Variants in IGFL2 observed in about 807,000 individuals in gnomAD.
IGFL2 encodes the protein insulin growth factor-like family member 2.
IGFL2 carries 7 observed loss-of-function variants against 13.9 expected under a neutral mutation model. The ratio of observed to expected loss-of-function variants is 0.51; its 90% CI spans 0.29 to 0.95. The LOEUF (loss-of-function observed/expected upper bound fraction) is 0.95, where lower values mean the gene tolerates loss of function less well. IGFL2 is among the 40% of genes least tolerant of loss of function. The pLI, the probability that IGFL2 is intolerant of heterozygous loss-of-function variation, is 0.08. For synonymous variants in IGFL2, 55 were observed against 55.8 expected (o/e 0.99, Z 0.07); for missense variants, 138 against 147.8 (o/e 0.93, Z 0.34).
the IGFL2 span, among the ~76,000 whole-genome samples, chr19:46,133,619 G>A: frequency 6.6e-6 from 1 of 152,210 alleles, no homozygotes; most frequent in African/African-American, 2.4e-5. Flanking sequence ...GCTAAAATGC[G>A]GTAGCTAAGA....
the IGFL2 span, among the ~76,000 whole-genome samples, chr19:46,088,053 G>A: frequency 8.7e-4 from 132 of 152,328 alleles, no homozygotes; most frequent in African/African-American, 3.0e-3. Flanking sequence ...GGAATCTGTG[G>A]TAGAAATGTG....
At chr19:46,176,950 G>A in the IGFL2 span, among the ~76,000 whole-genome samples, 5 of 152,338 alleles carry the variant, frequency 3.3e-5, no homozygotes, top group African/African-American at 1.2e-4. Context: ...GAAAAGGGGA[G>A]TCCAAGCTCT....
upstream of IGFL2, among the ~76,000 whole-genome samples, chr19:46,144,081 C>T (rs980208395): frequency 2.0e-5 from 3 of 152,174 alleles, no homozygotes; most frequent in African/African-American, 7.2e-5. Flanking sequence ...GGTTGGCATA[C>T]TTTTTATGTA....
At chr19:46,139,058 G>A (rs1418812359), upstream of IGFL2, among the ~76,000 whole-genome samples, 1 of 152,066 alleles carries the variant, frequency 6.6e-6, no homozygotes, top group Non-Finnish European at 1.5e-5. Context: ...GGATTCTGGA[G>A]GTCTCTGGCA....
chr19:46,127,672 A>T, the IGFL2 span, among the ~76,000 whole-genome samples: 1 of 152,126 alleles, frequency 6.6e-6, no homozygotes, highest in Non-Finnish European at 1.5e-5. Flanking sequence ...TAGATGATGG[A>T]TGGATGGGTG....
At chr19:46,117,078 C>T in the IGFL2 span, among the ~76,000 whole-genome samples, 1 of 151,904 alleles carries the variant, frequency 6.6e-6, no homozygotes, top group Non-Finnish European at 1.5e-5. Flanking sequence ...AAATCTTGAG[C>T]TTTATTTTGA....
At chr19:46,197,135 G>A in the IGFL2 span, 1 of 224,820 alleles carries the variant, frequency 4.4e-6, no homozygotes, top group African/African-American at 2.3e-5. Context: ...CCTGCCCTCG[G>A]ATGGGACCCA....
At chr19:46,156,666 T>C (rs1179465371) in intron 1 of IGFL2, among the ~76,000 whole-genome samples, 1 of 152,208 alleles carries the variant, frequency 6.6e-6, no homozygotes, top group Non-Finnish European at 1.5e-5. Flanking sequence ...AAACTTATTG[T>C]GCTAAATAGT....
the IGFL2 span, among the ~76,000 whole-genome samples, chr19:46,194,420 C>A: frequency 2.0e-5 from 3 of 152,142 alleles, no homozygotes; most frequent in African/African-American, 7.2e-5. Flanking sequence ...GGTTTAGAGT[C>A]TTCTGACTTT....
intron 1 of IGFL2, among the ~76,000 whole-genome samples, chr19:46,151,402 T>A (rs184193252): frequency 6.6e-6 from 1 of 152,296 alleles, no homozygotes; most frequent in Admixed American, 6.5e-5. Context: ...AAATTTGATT[T>A]CAACAAATCT....
chr19:46,143,416 T>C (rs995470616), upstream of IGFL2, among the ~76,000 whole-genome samples: 1 of 151,570 alleles, frequency 6.6e-6, no homozygotes, highest in Non-Finnish European at 1.5e-5. Flanking sequence ...TTTTTTTTTT[T>C]TGAGACAAGA....
the IGFL2 span, chr19:46,113,280 C>T: frequency 4.3e-6 from 1 of 232,742 alleles, no homozygotes; most frequent in Non-Finnish European, 8.7e-6. Context: ...CTCCTCCAGA[C>T]AGGATGTGTT....
chr19:46,136,124 T>A, the IGFL2 span, among the ~76,000 whole-genome samples: 15 of 152,202 alleles, frequency 9.9e-5, no homozygotes, highest in Middle Eastern at 6.3e-3. Context: ...CAGATTTGGA[T>A]GTCAACCTCT....
At chr19:46,187,280 A>G in the IGFL2 span, among the ~76,000 whole-genome samples, 2 of 150,218 alleles carry the variant, frequency 1.3e-5, no homozygotes, top group Non-Finnish European at 1.5e-5. Flanking sequence ...AGAGATGGTG[A>G]GCATTTACCC....
At chr19:46,112,041 C>G in the IGFL2 span, 3 of 152,326 alleles carry the variant, frequency 2.0e-5, no homozygotes, top group Non-Finnish European at 1.5e-5. Flanking sequence ...AGAATAGACT[C>G]TACGACTTTC....
At chr19:46,207,440 G>C in the IGFL2 span, 2 of 151,792 alleles carry the variant, frequency 1.3e-5, no homozygotes, top group African/African-American at 2.4e-5. Flanking sequence ...GAAGTGCAGT[G>C]GCATGATCTC....
At chr19:46,146,824 A>G (rs1304490001), upstream of IGFL2, among the ~76,000 whole-genome samples, 1 of 151,880 alleles carries the variant, frequency 6.6e-6, no homozygotes, top group Non-Finnish European at 1.5e-5. Flanking sequence ...CAGGTCCAGA[A>G]CTCTTCTACT....
At chr19:46,108,489 A>G in the IGFL2 span, among the ~76,000 whole-genome samples, 3 of 152,206 alleles carry the variant, frequency 2.0e-5, no homozygotes, top group East Asian at 5.8e-4. Flanking sequence ...TGAGAGTTGA[A>G]GAGGTTTTAA....
At chr19:46,147,820 G>T (rs1379219259), upstream of IGFL2, 1 of 156,822 alleles carries the variant, frequency 6.4e-6, no homozygotes, top group African/African-American at 2.4e-5. Flanking sequence ...TCATAGTGCA[G>T]GTCTGGAGCC....
Sources: gnomAD v4.1 joint callset for allele counts (sites outside exome capture counted in the v4.1 genomes callset) on GRCh38, gnomAD v4.1.1 for gene constraint, MANE v1.5 for transcripts, NCBI Gene and HGNC (gene_info 2026-07-23, HGNC 2026-07-21) for gene names.